ACO2: variants seen among roughly 807,000 people sequenced by gnomAD.
The protein encoded by ACO2 is aconitate hydratase, mitochondrial.
In ACO2, 31 loss-of-function variants were observed where a neutral mutation model predicts 84.5. The observed-to-expected ratio is 0.37, with a 90% confidence interval of 0.28 to 0.50. The LOEUF is 0.50. Among genes scored for constraint, ACO2 ranks in the 20% least tolerant of loss-of-function variants. ACO2 has a pLI of 0.97. For missense variants in ACO2, 685 were observed against 1,029.3 expected, an observed-to-expected ratio of 0.67 and a Z score of 4.58; for synonymous variants, 414 against 412.7, an observed-to-expected ratio of 1.00 and a Z score of -0.04.
intron 1 of ACO2, among the ~76,000 whole-genome samples, chr22:41,472,692 C>G (rs906720845): frequency 6.6e-6 from 1 of 152,132 alleles, no homozygotes; most frequent in African/African-American, 2.4e-5. Flanking sequence ...CTCAAGCAAT[C>G]CTGGCTTGGC....
At chr22:41,498,295 GAAC>G (rs1220941731) in intron 1 of ACO2, among the ~76,000 whole-genome samples, 7 of 151,772 alleles carry the variant, frequency 4.6e-5, no homozygotes, top group African/African-American at 1.7e-4. Flanking sequence ...CTGGACAACA[GAAC>G]AAGACACTAT....
At chr22:41,480,868 T>C (rs1282192762) in intron 1 of ACO2, among the ~76,000 whole-genome samples, 1 of 152,172 alleles carries the variant, frequency 6.6e-6, no homozygotes, top group African/African-American at 2.4e-5. Flanking sequence ...CAGGCTGCAG[T>C]ACAGTGGCTC....
intron 1 of ACO2, among the ~76,000 whole-genome samples, chr22:41,496,441 C>T (rs1395471919): frequency 6.6e-6 from 1 of 152,126 alleles, no homozygotes; most frequent in Non-Finnish European, 1.5e-5. Context: ...TGGAAACGTA[C>T]TCAGTACTTT....
chr22:41,509,619 G>A (rs1234353620), intron 3 of ACO2, among the ~76,000 whole-genome samples: 1 of 152,016 alleles, frequency 6.6e-6, no homozygotes, highest in Non-Finnish European at 1.5e-5. Flanking sequence ...AACAGCATTT[G>A]CAAAGACCCT....
Position 41,523,951 on chromosome 22 carries a change from C to T in ACO2, c.1482+10C>T, listed in dbSNP as rs1437656602. On this transcript the variant is annotated intron_variant, in intron 12 of 17. Transcript: ENST00000216254. ...TGTCACGTCCCCAGAGGTGAGACTG[C>T]CCAGCTGCGCACAAGCCTGGGATGG... 2.5e-6 allele frequency: 4 copies of T among 1,611,232 alleles called. No homozygotes were observed. The South Asian group carries it at 4.4e-5, about 18-fold the overall frequency.
intron 16 of ACO2, 58 bp from the exon 17 acceptor site, chr22:41,527,843 A>G: frequency 6.2e-7 from 1 of 1,613,116 alleles, no homozygotes; most frequent in Admixed American, 1.7e-5. Context: ...TGGGTTCAGA[A>G]AATGAAGCTC....
At position 41,515,232 on chromosome 22, in the gene ACO2, C is replaced by A; in HGVS notation, c.526-145C>A. 1.1e-6 allele frequency: 1 copy of A among 935,668 alleles called. No homozygotes were observed. 58.0% of individuals were successfully genotyped at this position (935,668 alleles called of 1,614,324 possible). On this transcript the variant is annotated intron_variant, in intron 4 of 17. Transcript: ENST00000216254. This position sits in a 1 kb window ranked among gnomAD's most constrained non-coding sequence, Gnocchi z 5.8. Reference sequence around the variant, plus strand: ...TGGCTCTTCTTGGCCACCCTGGAGACGGCCTGGATTAAATGGGGCTGCTCC... The same window carrying A: ...TGGCTCTTCTTGGCCACCCTGGAGAAGGCCTGGATTAAATGGGGCTGCTCC...
chr22:41,470,884 AGTT>A (rs2037938577), intron 1 of ACO2, among the ~76,000 whole-genome samples: 1 of 152,116 alleles, frequency 6.6e-6, no homozygotes, highest in Non-Finnish European at 1.5e-5. Flanking sequence ...ATGTGGAAAT[AGTT>A]GTTTCTTCCT....
intron 3 of ACO2, among the ~76,000 whole-genome samples, chr22:41,509,520 GAA>G (rs748959861): frequency 6.6e-6 from 1 of 152,156 alleles, no homozygotes; most frequent in South Asian, 2.1e-4. Context: ...GATGCTGGGG[GAA>G]AGAGAGAGCT....
chr22:41,506,492 A>T (rs2066394345), intron 2 of ACO2, among the ~76,000 whole-genome samples: 2 of 151,930 alleles, frequency 1.3e-5, no homozygotes, highest in Non-Finnish European at 2.9e-5. Flanking sequence ...TGACCTCATG[A>T]TCCGCCTGTC....
chr22:41,518,628 C>T (rs949396469), intron 8 of ACO2, 56 bp downstream of exon 8: 15 of 1,363,638 alleles, frequency 1.1e-5, no homozygotes, highest in South Asian at 2.3e-5. Context: ...GGGAGCAGGG[C>T]GGGTCCTGCC....
At chr22:41,527,636 A>G in intron 16 of ACO2, 1 of 813,522 alleles carries the variant, frequency 1.2e-6, no homozygotes, top group South Asian at 1.8e-5. Context: ...TGTAGATCTG[A>G]GCCGCTGAGA....
intron 12 of ACO2, among the ~76,000 whole-genome samples, chr22:41,524,520 G>C (rs1250885955): frequency 6.6e-6 from 1 of 152,256 alleles, no homozygotes; most frequent in Non-Finnish European, 1.5e-5. Context: ...TGCGCACTGA[G>C]CAGGTTTGCA....
At chr22:41,508,490 G>C (rs2066410626) in intron 3 of ACO2, among the ~76,000 whole-genome samples, 1 of 152,178 alleles carries the variant, frequency 6.6e-6, no homozygotes, top group African/African-American at 2.4e-5. Context: ...GTCACTATTT[G>C]TAAATTTGAG....
At chr22:41,512,672 C>T (rs2066443166) in intron 4 of ACO2, among the ~76,000 whole-genome samples, 1 of 152,200 alleles carries the variant, frequency 6.6e-6, no homozygotes, top group Non-Finnish European at 1.5e-5. Context: ...GGTGAAGGTA[C>T]CATAGGTCAT....
At chr22:41,517,933 C>T (rs2066488482) in intron 7 of ACO2, among the ~76,000 whole-genome samples, 1 of 152,210 alleles carries the variant, frequency 6.6e-6, no homozygotes, top group Non-Finnish European at 1.5e-5. Context: ...GTCCCTGCTG[C>T]CCCCTACAGG....
At chr22:41,502,164 G>C (rs955379169) in intron 2 of ACO2, among the ~76,000 whole-genome samples, 2 of 152,100 alleles carry the variant, frequency 1.3e-5, no homozygotes, top group African/African-American at 2.4e-5. Flanking sequence ...CTCCATGTTA[G>C]AATCACCTGG....
chr22:41,508,023 G>A lies in ACO2; in HGVS notation c.406G>A (p.Gly136Ser), dbSNP rs1020287670. ...CDHLIEAQVGGEKDLRRAKDI... is the reference protein window; with the variant it reads ...CDHLIEAQVGSEKDLRRAKDI... The stretch of plus-strand genomic sequence containing the variant: ...CCATCTGATTGAAGCCCAGGTTGGG[G>A]GCGAGAAAGACCTGCGCCGGGCCAA... Residue 136 changes from glycine (G) to serine (S), a missense_variant, in exon 3 of 18, where the codon GGC becomes AGC. Gly to Ser is a moderately conservative substitution (Grantham distance 56, BLOSUM62 0). This residue lies in a region of ACO2 where 92 missense variants were observed against 203.7 expected (regional missense o/e 0.45). Coordinates refer to ENST00000216254, the MANE Select transcript of ACO2 (RefSeq NM_001098.3). 2 of 1,613,042 alleles carry A rather than the reference G, an allele frequency of 1.2e-6. No homozygotes were observed. The highest frequency in any genetic ancestry group is 1.7e-6 in the Non-Finnish European group (2 of 1,179,164).
intron 1 of ACO2, among the ~76,000 whole-genome samples, chr22:41,486,853 CT>C (rs1272832064): frequency 6.6e-6 from 1 of 151,770 alleles, no homozygotes; most frequent in Admixed American, 6.6e-5. Context: ...TCTGCCATTT[CT>C]TCTTCACTTT....
Sources: gnomAD v4.1 joint callset for allele counts (sites outside exome capture counted in the v4.1 genomes callset) on GRCh38, gnomAD v4.1.1 for gene constraint, gnomAD v4.1.1 regional missense constraint, Gnocchi (gnomAD v3.1) non-coding constraint, MANE v1.5 for transcripts, NCBI Gene and HGNC (gene_info 2026-07-23, HGNC 2026-07-21) for gene names.